RBFOX3: variants seen among roughly 807,000 people sequenced by gnomAD.
RBFOX3 encodes RNA binding protein fox-1 homolog 3.
In RBFOX3, 17 loss-of-function variants were observed where a neutral mutation model predicts 48.7. The observed-to-expected ratio is 0.35, with a 90% CI of 0.24 to 0.52. RBFOX3 has a LOEUF of 0.52. RBFOX3 is among the 20% of genes least tolerant of loss of function. The pLI is 0.94. For missense variants in RBFOX3, 382 were observed against 497.5 expected (o/e 0.77, Z 2.21); for synonymous variants, 212 against 209.5 (o/e 1.01, Z -0.10).
At chr17:79,503,891 A>G (rs1456044949) in intron 1 of RBFOX3, among the ~76,000 whole-genome samples, 1 of 152,218 alleles carries the variant, frequency 6.6e-6, no homozygotes, top group African/African-American at 2.4e-5. Context: ...CTCCTGGACC[A>G]GGACGGGGAT....
chr17:79,644,050 G>T, the RBFOX3 span, among the ~76,000 whole-genome samples: 2 of 152,032 alleles, frequency 1.3e-5, no homozygotes, highest in South Asian at 4.1e-4. Context: ...ATATTAAAAG[G>T]TTAATAATGG....
At chr17:79,325,082 C>T (rs931530449) in intron 2 of RBFOX3, among the ~76,000 whole-genome samples, 3 of 152,240 alleles carry the variant, frequency 2.0e-5, no homozygotes, top group Admixed American at 6.5e-5. Flanking sequence ...AATGTTGAGG[C>T]CTGAGCCAAT....
In RBFOX3 at chr17:79,254,775, A is replaced by T. The variant is rs2064506765; in HGVS notation, c.-73-18970T>A. On this transcript the variant is annotated intron_variant, in intron 3 of 14. Transcript: ENST00000693108. This position sits in a 1 kb window ranked among gnomAD's most constrained non-coding sequence, Gnocchi z 4.8. ...CAGTATCCAGGTGGACAGGTGCCTTATCTTGGCTGGGCATGAGAGGGGTCC... is the reference window on the plus strand; with the variant it reads ...CAGTATCCAGGTGGACAGGTGCCTTTTCTTGGCTGGGCATGAGAGGGGTCC... 6.6e-6 allele frequency among the ~76,000 whole-genome samples: 1 copy of T among 152,106 alleles called. No individual in the cohort carries two copies. The highest frequency in any genetic ancestry group is 1.5e-5 in the Non-Finnish European group (1 of 68,016).
chr17:79,178,495 C>T (rs543414936), intron 4 of RBFOX3, among the ~76,000 whole-genome samples: 1 of 152,202 alleles, frequency 6.6e-6, no homozygotes, highest in Non-Finnish European at 1.5e-5. Flanking sequence ...ATCTGGCTGC[C>T]TGGGCTGGAA....
chr17:79,650,512 C>T, the RBFOX3 span, among the ~76,000 whole-genome samples: 1 of 152,134 alleles, frequency 6.6e-6, no homozygotes, highest in East Asian at 1.9e-4. Flanking sequence ...CTCTCCCACC[C>T]ACTGAGGCGC....
At chr17:79,357,793 C>T (rs1043258014) in intron 2 of RBFOX3, among the ~76,000 whole-genome samples, 18 of 148,416 alleles carry the variant, frequency 1.2e-4, no homozygotes, top group Admixed American at 1.2e-3. Context: ...ATTTTGTTAC[C>T]TCAAGGGTGT....
intron 2 of RBFOX3, among the ~76,000 whole-genome samples, chr17:79,408,048 C>T (rs1272262697): frequency 6.6e-6 from 1 of 152,140 alleles, no homozygotes; most frequent in South Asian, 2.1e-4. Flanking sequence ...ACTTCCGATC[C>T]TGCCCTGACG....
chr17:79,617,696 T>G, the RBFOX3 span, among the ~76,000 whole-genome samples: 1 of 152,210 alleles, frequency 6.6e-6, no homozygotes, highest in Admixed American at 6.5e-5. Flanking sequence ...TTCTCCCCAA[T>G]GAGCTCATCC....
chr17:79,090,769 G>GTTTT lies in RBFOX3; in HGVS notation c.*110_*113dup. 2.6e-6 allele frequency: 3 copies of GTTTT among 1,155,002 alleles called. No homozygotes were observed. Among genetic ancestry groups the GTTTT allele is most frequent in the African/African-American group, 1.6e-5 (1 of 62,520 alleles). The allele number at this position is 1,155,002 out of a possible 1,614,324, so 71.5% of individuals were successfully genotyped here. On this transcript the variant is annotated 3_prime_UTR_variant, in exon 15 of 15. Coordinates refer to ENST00000693108, the MANE Select transcript of RBFOX3 (RefSeq NM_001350451.2). ...GGTTGGATGCCTCTTGGTTTGGTTG[G>GTTTT]TTTTTTTTTTGTTGCTTGGATCTTA...
intron 2 of RBFOX3, among the ~76,000 whole-genome samples, chr17:79,408,652 T>A (rs1449884405): frequency 1.3e-5 from 2 of 152,202 alleles, no homozygotes; most frequent in Non-Finnish European, 2.9e-5. Context: ...AGCAGAGTCT[T>A]AAAATGCATT....
rs532286876 is a variant in RBFOX3, at chr17:79,402,073, G to A, written c.-175+80381C>T. The stretch of plus-strand genomic sequence containing the variant: ...GACAATCTGTGGCCCACCACCAGGA[G>A]CCCAGGGTGGAGGACCCAGGCAGAG... On this transcript the variant is annotated intron_variant, in intron 2 of 14. Transcript: ENST00000693108. Among the ~76,000 whole-genome samples the A allele has an allele frequency of 2.0e-5, 3 of 152,362 alleles. No individual in the cohort carries two copies. The South Asian group carries it at 6.2e-4, about 32-fold the overall frequency.
chr17:79,398,209 A>T (rs2062289383), intron 2 of RBFOX3, among the ~76,000 whole-genome samples: 1 of 152,158 alleles, frequency 6.6e-6, no homozygotes, highest in Non-Finnish European at 1.5e-5. Context: ...CGGGAGGCTC[A>T]TTATGCACCA....
At chr17:79,171,393 G>A (rs1377507203) in intron 4 of RBFOX3, among the ~76,000 whole-genome samples, 1 of 152,236 alleles carries the variant, frequency 6.6e-6, no homozygotes, top group Non-Finnish European at 1.5e-5. Context: ...GGGCCAGAGA[G>A]CAAATATTTA....
At chr17:79,457,186 C>G (rs1172834340) in intron 2 of RBFOX3, among the ~76,000 whole-genome samples, 1 of 152,218 alleles carries the variant, frequency 6.6e-6, no homozygotes, top group African/African-American at 2.4e-5. Flanking sequence ...CCATGTCCAG[C>G]ATGGAGTAGG....
intron 2 of RBFOX3, among the ~76,000 whole-genome samples, chr17:79,432,826 A>G (rs782478949): frequency 1.3e-5 from 2 of 152,222 alleles, no homozygotes; most frequent in Non-Finnish European, 2.9e-5. Context: ...TATTCTTAGT[A>G]AAACAAGTGG....
chr17:79,383,558 A>AC (rs1387879887), intron 2 of RBFOX3, among the ~76,000 whole-genome samples: 1 of 151,950 alleles, frequency 6.6e-6, no homozygotes, highest in Non-Finnish European at 1.5e-5. Context: ...CTGGAGGAGT[A>AC]CCCCCCCGAT....
At chr17:79,112,584 C>A (rs531817662) in intron 5 of RBFOX3, among the ~76,000 whole-genome samples, 18 of 152,280 alleles carry the variant, frequency 1.2e-4, no homozygotes, top group Admixed American at 2.0e-4. Context: ...CCCATCGACG[C>A]CATCAGCCCC....
the RBFOX3 span, among the ~76,000 whole-genome samples, chr17:79,660,779 G>A: frequency 6.6e-6 from 1 of 152,188 alleles, no homozygotes; most frequent in Non-Finnish European, 1.5e-5. Context: ...CCATTACTGA[G>A]TATATACCCA....
rs1365551845 is a variant in RBFOX3, at chr17:79,220,309, C to T, written c.-34+15457G>A. ...GGGGTAGGGGCTTGGTCCCCCAACG[C>T]TGGCACTCAGTTTAGCTGTCACTTG... On this transcript the variant is annotated intron_variant, in intron 4 of 14. Coordinates refer to ENST00000693108, the MANE Select transcript of RBFOX3 (RefSeq NM_001350451.2). This position sits in a 1 kb window ranked among gnomAD's most constrained non-coding sequence, Gnocchi z 5.9. 1.3e-5 allele frequency among the ~76,000 whole-genome samples: 2 copies of T among 152,332 alleles called. No individual in the cohort carries two copies. Among genetic ancestry groups the T allele is most frequent in the Admixed American group, 6.5e-5 (1 of 15,298 alleles).
Sources: allele counts gnomAD v4.1 joint callset (sites outside exome capture counted in the v4.1 genomes callset), GRCh38; gene constraint gnomAD v4.1.1; non-coding constraint Gnocchi (gnomAD v3.1); transcripts MANE v1.5; gene names NCBI Gene and HGNC (gene_info 2026-07-23, HGNC 2026-07-21).